HYCC2: variants seen among roughly 807,000 people sequenced by gnomAD.
The protein encoded by HYCC2 is hyccin PI4KA lipid kinase complex subunit 2.
At chr2:200,993,102 G>C in the HYCC2 span, 1 of 829,424 alleles carries the variant, frequency 1.2e-6, no homozygotes, top group African/African-American at 1.7e-5. Flanking sequence ...CATTCCTCAA[G>C]TATATATTGA....
the HYCC2 span, among the ~76,000 whole-genome samples, chr2:201,005,213 C>A: frequency 6.6e-6 from 1 of 152,094 alleles, no homozygotes; most frequent in Non-Finnish European, 1.5e-5. Flanking sequence ...GCCTTCATGA[C>A]TGTGTACTTA....
the HYCC2 span, among the ~76,000 whole-genome samples, chr2:201,026,016 T>A: frequency 2.0e-5 from 3 of 152,144 alleles, no homozygotes; most frequent in Non-Finnish European, 2.9e-5. Flanking sequence ...AGACACAGAC[T>A]GGCAAATTGG....
chr2:201,014,869 T>C, the HYCC2 span, among the ~76,000 whole-genome samples: 1 of 152,134 alleles, frequency 6.6e-6, no homozygotes, highest in Non-Finnish European at 1.5e-5. Flanking sequence ...ATACCAATGG[T>C]CCTTAACTGG....
At chr2:200,975,701 C>A in the HYCC2 span, 1 of 152,080 alleles carries the variant, frequency 6.6e-6, no homozygotes, top group Non-Finnish European at 1.5e-5. Context: ...CTGCTAATTT[C>A]TATCCTGAAT....
At chr2:201,017,276 A>C in the HYCC2 span, 15 of 835,802 alleles carry the variant, frequency 1.8e-5, no homozygotes, top group South Asian at 3.4e-4. Flanking sequence ...TAAAAGTCTT[A>C]ATATTAATTT....
chr2:200,994,276 G>A, the HYCC2 span, among the ~76,000 whole-genome samples: 14 of 151,626 alleles, frequency 9.2e-5, no homozygotes, highest in African/African-American at 1.7e-4. Context: ...TCGCTCTGCC[G>A]CGCAGACTGG....
chr2:201,018,004 C>A, the HYCC2 span, among the ~76,000 whole-genome samples: 1 of 152,100 alleles, frequency 6.6e-6, no homozygotes, highest in Non-Finnish European at 1.5e-5. Flanking sequence ...AAAATACATA[C>A]AAGTGAGGCA....
At chr2:201,003,647 TGC>T in the HYCC2 span, among the ~76,000 whole-genome samples, 1 of 150,682 alleles carries the variant, frequency 6.6e-6, no homozygotes, top group African/African-American at 2.4e-5. Context: ...AGGCGGAGGT[TGC>T]AGTGAGCAGA....
At chr2:201,064,308 AT>A in the HYCC2 span, among the ~76,000 whole-genome samples, 4,918 of 149,184 alleles carry the variant, frequency 0.033, 173 homozygotes, top group African/African-American at 0.1. Context: ...TTTAATGTAG[AT>A]TTTTTTTTTT....
the HYCC2 span, among the ~76,000 whole-genome samples, chr2:201,038,464 T>C: frequency 6.6e-6 from 1 of 152,146 alleles, no homozygotes. Flanking sequence ...TGCGGCACTA[T>C]TCACAACAGC....
chr2:201,050,906 G>A, the HYCC2 span, among the ~76,000 whole-genome samples: 4 of 152,180 alleles, frequency 2.6e-5, no homozygotes, highest in Non-Finnish European at 4.4e-5. Context: ...CTGCACTCCA[G>A]CCTGGGGGGA....
the HYCC2 span, among the ~76,000 whole-genome samples, chr2:201,062,691 G>A: frequency 2.9e-3 from 438 of 149,106 alleles, 2 homozygotes; most frequent in African/African-American, 0.01. Context: ...GGTAGCAAGC[G>A]CCTGTAATCC....
chr2:201,045,705 AT>A, the HYCC2 span: 2 of 389,994 alleles, frequency 5.1e-6, no homozygotes, highest in Non-Finnish European at 9.0e-6. Flanking sequence ...ATTTTAAGAA[AT>A]AATTATAGAT....
the HYCC2 span, among the ~76,000 whole-genome samples, chr2:201,007,509 C>A: frequency 2.6e-5 from 4 of 152,108 alleles, no homozygotes; most frequent in Non-Finnish European, 5.9e-5. Flanking sequence ...TGCTTTGATA[C>A]CATTGTAAAG....
the HYCC2 span, chr2:200,996,717 C>G: frequency 6.6e-6 from 1 of 152,282 alleles, no homozygotes; most frequent in South Asian, 2.1e-4. Flanking sequence ...ATGAGACACA[C>G]ACATCATTGG....
the HYCC2 span, chr2:201,011,480 C>CA: frequency 1.4e-6 from 2 of 1,460,690 alleles, no homozygotes; most frequent in Non-Finnish European, 1.9e-6. Context: ...TTCCTATAGT[C>CA]AAAAAATATA....
At chr2:200,981,147 C>A in the HYCC2 span, 1 of 1,192,302 alleles carries the variant, frequency 8.4e-7, no homozygotes, top group East Asian at 2.3e-5. The surrounding 1 kb of genome is among the most constrained non-coding windows in gnomAD (Gnocchi z 4.5). Context: ...TATGAAGATA[C>A]CTAAACTAAA....
the HYCC2 span, among the ~76,000 whole-genome samples, chr2:200,994,527 G>A: frequency 0.031 from 4,779 of 152,150 alleles, 227 homozygotes; most frequent in African/African-American, 0.11. Flanking sequence ...ATGAGCCACC[G>A]CGCCTGGCCT....
chr2:201,053,979 A>T, the HYCC2 span, among the ~76,000 whole-genome samples: 4 of 152,160 alleles, frequency 2.6e-5, no homozygotes, highest in Admixed American at 6.5e-5. Context: ...CAAACAAACA[A>T]ACCTTACCTC....
Sources: allele counts gnomAD v4.1 joint callset (sites outside exome capture counted in the v4.1 genomes callset), GRCh38; gene constraint gnomAD v4.1.1; non-coding constraint Gnocchi (gnomAD v3.1); transcripts MANE v1.5; gene names NCBI Gene and HGNC (gene_info 2026-07-23, HGNC 2026-07-21).